Variants in GRM8 observed in about 807,000 individuals in gnomAD.
The protein encoded by GRM8 is metabotropic glutamate receptor 8.
In GRM8, 47 loss-of-function variants were observed where a neutral mutation model predicts 87.2. The ratio of observed to expected loss-of-function variants is 0.54; its 90% CI spans 0.43 to 0.69. The LOEUF (loss-of-function observed/expected upper bound fraction) is 0.69, where lower values mean the gene tolerates loss of function less well. GRM8 is among the 30% of genes least tolerant of loss of function. The pLI, the probability that GRM8 is intolerant of heterozygous loss-of-function variation, is 0.00. For missense variants in GRM8, 1,019 were observed against 1,139.2 expected, an observed-to-expected ratio of 0.89 and a Z score of 1.52; for synonymous variants, 396 against 404.5, an observed-to-expected ratio of 0.98 and a Z score of 0.25.
In GRM8 at chr7:127,224,784, C is replaced by G. The variant is rs569227422; in HGVS notation, c.510+17911G>C. ...GGTAAAGGGAGGTAATTTTCTTTTT[C>G]TTTTACTTTTTTGTAGCAACAAGGT... On this transcript the variant is annotated intron_variant, in intron 2 of 10. Coordinates refer to ENST00000339582, the MANE Select transcript of GRM8 (RefSeq NM_000845.3). Among the ~76,000 whole-genome samples the G allele has an allele frequency of 1.1e-4, 17 of 152,124 alleles. 1 individual carries two copies. The highest frequency in any genetic ancestry group is 1.9e-4 in the Non-Finnish European group (13 of 67,984).
chr7:126,724,366 T>G (rs558288462), intron 7 of GRM8, among the ~76,000 whole-genome samples: 1 of 152,184 alleles, frequency 6.6e-6, no homozygotes, highest in East Asian at 1.9e-4. Context: ...TTATCTTCCC[T>G]CAATTGACTA....
intron 7 of GRM8, among the ~76,000 whole-genome samples, chr7:126,623,516 C>T (rs1800382448): frequency 6.6e-6 from 1 of 152,090 alleles, no homozygotes. Flanking sequence ...TAGTGCTGAC[C>T]AGATTAAAAC....
rs906811256 is a variant in GRM8 at position 127,245,888 on chromosome 7, A to G, written c.-311-2373T>C. The stretch of plus-strand genomic sequence containing the variant: ...CTGTAAAGGTGATAGAACCTGCCAC[A>G]CAGCACACATGGAAAGCATAGTATC... On this transcript the variant is annotated intron_variant, in intron 1 of 10. Transcript: ENST00000339582. Among the ~76,000 whole-genome samples the G allele has an allele frequency of 2.6e-5, 4 of 152,350 alleles. No homozygotes were observed. In the East Asian group the frequency reaches 7.7e-4, roughly 29 times the overall value.
chr7:126,953,818 G>T (rs989080184), intron 3 of GRM8, among the ~76,000 whole-genome samples: 1 of 152,016 alleles, frequency 6.6e-6, no homozygotes, highest in Non-Finnish European at 1.5e-5. Context: ...AACTCCAGTG[G>T]ATTATACAAC....
chr7:126,878,719 G>A (rs1185409019), intron 6 of GRM8, among the ~76,000 whole-genome samples: 1 of 151,704 alleles, frequency 6.6e-6, no homozygotes, highest in Non-Finnish European at 1.5e-5. Context: ...ATGGGATAGG[G>A]TTTCACCATG....
chr7:126,914,880 C>T (rs181235016), intron 3 of GRM8, among the ~76,000 whole-genome samples: 1 of 152,110 alleles, frequency 6.6e-6, no homozygotes, highest in African/African-American at 2.4e-5. Flanking sequence ...AAGTATACCC[C>T]TGTAACAAAC....
intron 3 of GRM8, among the ~76,000 whole-genome samples, chr7:126,917,400 T>C (rs2106199): frequency 5.1e-4 from 75 of 147,530 alleles, no homozygotes; most frequent in Middle Eastern, 6.9e-3. Flanking sequence ...CACACACACA[T>C]GGACACGCAC....
rs879853208 is a variant in GRM8 at position 126,662,730 on chromosome 7, AT to A, written c.1358-53233del. 2.8e-3 allele frequency among the ~76,000 whole-genome samples: 425 copies of A among 150,004 alleles called. 1 individual carries two copies. Among genetic ancestry groups the A allele is most frequent in the African/African-American group, 9.4e-3 (386 of 40,854 alleles). ...GTATAGACAGCAAGAAAAATATTCT[AT>A]TTTTTTTTTCTTTTTAAAGTGCCAT... On this transcript the variant is annotated intron_variant, in intron 7 of 10. Coordinates refer to ENST00000339582, the MANE Select transcript of GRM8 (RefSeq NM_000845.3).
At chr7:126,564,145 T>G (rs1409504695) in intron 8 of GRM8, among the ~76,000 whole-genome samples, 3 of 152,214 alleles carry the variant, frequency 2.0e-5, no homozygotes, top group Non-Finnish European at 2.9e-5. Context: ...GGTGCCCTAG[T>G]CTTTTCTAGC....
At chr7:126,830,508 G>A (rs534038496) in intron 6 of GRM8, among the ~76,000 whole-genome samples, 82 of 152,140 alleles carry the variant, frequency 5.4e-4, no homozygotes, top group African/African-American at 1.1e-3. Flanking sequence ...CTCCTGAGGC[G>A]TCTGCATTCT....
intron 10 of GRM8, among the ~76,000 whole-genome samples, chr7:126,444,867 C>A: frequency 6.6e-6 from 1 of 151,844 alleles, no homozygotes; most frequent in East Asian, 1.9e-4. Flanking sequence ...AATGCCTGAC[C>A]GGGTGTGGTA....
intron 8 of GRM8, among the ~76,000 whole-genome samples, chr7:126,563,846 C>A (rs1399560349): frequency 2.0e-5 from 3 of 152,232 alleles, no homozygotes; most frequent in African/African-American, 7.2e-5. Context: ...CTTCCTGATG[C>A]ATGAAATTTA....
chr7:126,757,971 G>GA, intron 7 of GRM8, among the ~76,000 whole-genome samples: 1 of 151,940 alleles, frequency 6.6e-6, no homozygotes, highest in East Asian at 1.9e-4. Context: ...GACTGCAAGA[G>GA]AAAAAAGAAA....
At chr7:127,104,778 T>C (rs976090356) in intron 3 of GRM8, among the ~76,000 whole-genome samples, 7 of 152,210 alleles carry the variant, frequency 4.6e-5, no homozygotes, top group Non-Finnish European at 8.8e-5. Flanking sequence ...TCTAAATCCT[T>C]TTATGTGACA....
intron 6 of GRM8, among the ~76,000 whole-genome samples, chr7:126,888,151 C>T (rs2131056907): frequency 6.6e-6 from 1 of 152,094 alleles, no homozygotes; most frequent in Non-Finnish European, 1.5e-5. Context: ...GTGGCTCTGA[C>T]AAATGACACT....
rs964146790 is a variant in GRM8, at chr7:126,630,508, T to C, written c.1358-21010A>G. On this transcript the variant is annotated intron_variant, in intron 7 of 10. Transcript: ENST00000339582. ...ACACTATTCCAAAAAATTGAAAAGG[T>C]TGGATTCCTCTCTAAGTCGTTAAAT... 3.2e-4 allele frequency among the ~76,000 whole-genome samples: 48 copies of C among 152,122 alleles called. 1 individual carries two copies. In the East Asian group the frequency reaches 8.5e-3, roughly 27 times the overall value.
At chr7:126,655,410 C>T (rs960560550) in intron 7 of GRM8, among the ~76,000 whole-genome samples, 2 of 152,106 alleles carry the variant, frequency 1.3e-5, no homozygotes, top group South Asian at 2.1e-4. Flanking sequence ...AATCTCATCT[C>T]GAATTATCAT....
intron 8 of GRM8, among the ~76,000 whole-genome samples, chr7:126,604,358 T>C (rs942517751): frequency 6.6e-5 from 10 of 152,060 alleles, no homozygotes; most frequent in African/African-American, 2.4e-4. Flanking sequence ...ATACCTCTCT[T>C]TACAGCTACT....
At chr7:126,936,095 G>T (rs1404222208) in intron 3 of GRM8, among the ~76,000 whole-genome samples, 1 of 152,136 alleles carries the variant, frequency 6.6e-6, no homozygotes, top group South Asian at 2.1e-4. Context: ...AAATCATGCT[G>T]CTTGGAACTA....
Sources: gnomAD v4.1 joint callset for allele counts (sites outside exome capture counted in the v4.1 genomes callset) on GRCh38, gnomAD v4.1.1 for gene constraint, MANE v1.5 for transcripts, NCBI Gene and HGNC (gene_info 2026-07-23, HGNC 2026-07-21) for gene names.